Variants in RSRC2 observed in about 807,000 individuals in gnomAD.
RSRC2 encodes the protein arginine/serine-rich coiled-coil protein 2.
RSRC2 carries 5 observed loss-of-function variants against 61.3 expected under a neutral mutation model. The observed-to-expected ratio is 0.08, with a 90% CI of 0.04 to 0.17. RSRC2 has a LOEUF of 0.17. RSRC2 is among the 10% of genes least tolerant of loss of function. The pLI is 1.00. For synonymous variants in RSRC2, 202 were observed against 166.5 expected (o/e 1.21, Z -1.64); for missense variants, 381 against 518.8 (o/e 0.73, Z 2.58).
intron 8 of RSRC2, chr12:122,507,184 CCTGGATGACT>C: frequency 2.3e-6 from 1 of 439,094 alleles, no homozygotes; most frequent in South Asian, 2.2e-5. Context: ...TCGAGACTAG[CCTGGATGACT>C]AGGTGAAACC....
At chr12:122,508,065 A>C in intron 8 of RSRC2, 153 bp downstream of exon 8, 1 of 713,720 alleles carries the variant, frequency 1.4e-6, no homozygotes, top group South Asian at 1.5e-5. Flanking sequence ...GGCATCCCAA[A>C]GTGCTGGGAT....
rs542821891 is a variant in RSRC2 at position 122,509,714 on chromosome 12, T to C, written c.806-1267A>G. Among the ~76,000 whole-genome samples the C allele has an allele frequency of 4.6e-5, 7 of 152,338 alleles. No homozygotes were observed. In the East Asian group the frequency reaches 1.3e-3, roughly 29 times the overall value. On this transcript the variant is annotated intron_variant, in intron 7 of 9. Transcript: ENST00000331738. ...AATAAAATGGCTATTTGTAAACTTT[T>C]AGAGTTTCAAATAAGTGCCACTGTT...
At chr12:122,514,657 T>C in intron 6 of RSRC2, 1 of 1,108,982 alleles carries the variant, frequency 9.0e-7, no homozygotes, top group Non-Finnish European at 1.1e-6. Context: ...GCTTATAATG[T>C]ATTATCTGTT....
intron 5 of RSRC2, among the ~76,000 whole-genome samples, chr12:122,516,160 T>G (rs185009537): frequency 1.3e-5 from 2 of 152,152 alleles, no homozygotes; most frequent in African/African-American, 4.8e-5. Flanking sequence ...CTGTATTAAG[T>G]ACAGGTCCCT....
At position 122,505,463 on chromosome 12, in the gene RSRC2, G is replaced by T; in HGVS notation, c.*64C>A. 6.8e-7 allele frequency: 1 copy of T among 1,480,490 alleles called. No individual in the cohort carries two copies. The highest frequency in any genetic ancestry group is 9.3e-7 in the Non-Finnish European group (1 of 1,077,850). 91.7% of individuals were successfully genotyped at this position (1,480,490 alleles called of 1,614,324 possible). A position where few individuals can be genotyped will look rare whatever the true frequency, so the allele number is the denominator to read the frequency against. On this transcript the variant is annotated 3_prime_UTR_variant, in exon 10 of 10. Coordinates refer to ENST00000331738, the MANE Select transcript of RSRC2 (RefSeq NM_023012.6). Reference sequence around the variant, plus strand: ...CAAGCTAGAGTGCTAGCTGTTTGGTGAACAAGGACGTGACATCAGAACAAG... The same window carrying T: ...CAAGCTAGAGTGCTAGCTGTTTGGTTAACAAGGACGTGACATCAGAACAAG...
intron 1 of RSRC2, among the ~76,000 whole-genome samples, chr12:122,526,609 G>A (rs541184516): frequency 1.3e-5 from 2 of 152,096 alleles, no homozygotes; most frequent in East Asian, 3.9e-4. Flanking sequence ...GTAGGGTTGG[G>A]GAAGAGAGGA....
chr12:122,510,235 G>GT (rs1157436271), intron 7 of RSRC2, among the ~76,000 whole-genome samples: 1 of 151,894 alleles, frequency 6.6e-6, no homozygotes, highest in Admixed American at 6.6e-5. Context: ...TTCCAAAATC[G>GT]TAAAAGACAT....
At chr12:122,520,437 C>T in intron 3 of RSRC2, 2 of 920,004 alleles carry the variant, frequency 2.2e-6, no homozygotes, top group South Asian at 1.3e-5. Flanking sequence ...TTAAAAAAAA[C>T]ATTAAAACCC....
chr12:122,511,224 A>C (rs1472346313), intron 6 of RSRC2, 36 bp from the exon 7 acceptor site: 3 of 1,463,710 alleles, frequency 2.0e-6, no homozygotes, highest in Non-Finnish European at 2.8e-6. Context: ...AAAATAACAC[A>C]ATATAAAACC....
chr12:122,505,721 T>C lies in RSRC2; in HGVS notation c.1126-15A>G, dbSNP rs1566321045. 1.2e-6 allele frequency: 2 copies of C among 1,601,176 alleles called. No individual in the cohort carries two copies. Among genetic ancestry groups the C allele is most frequent in the Non-Finnish European group, 1.7e-6 (2 of 1,170,010 alleles). On this transcript the variant is annotated splice_polypyrimidine_tract_variant and intron_variant, in intron 9 of 9. Transcript: ENST00000331738. ...TCATCTTCACTCTAAAAATCAGACATAAAACATTACAATGAATTCAGATGG... is the reference window on the plus strand; with the variant it reads ...TCATCTTCACTCTAAAAATCAGACACAAAACATTACAATGAATTCAGATGG...
At position 122,505,801 on chromosome 12, in the gene RSRC2, T is replaced by TG. The variant is rs1374822922; in HGVS notation, c.1126-96dup. ...TTTTATGTATTTTTTTTTTTTGAGA[T>TG]GGAGTCTTGCTCTGTTGTCCCGTCT... is the stretch of plus-strand genomic sequence containing the variant. On this transcript the variant is annotated intron_variant, in intron 9 of 9. Transcript: ENST00000331738. The TG allele has an allele frequency of 5.6e-6, 6 of 1,067,938 alleles. No homozygotes were observed. In the Admixed American group the frequency reaches 7.3e-5, roughly 13 times the overall value. 66.2% of individuals were successfully genotyped at this position (1,067,938 alleles called of 1,614,324 possible).
rs1157944833 is a variant in RSRC2, at chr12:122,504,083, T to C, written c.*1444A>G. On this transcript the variant is annotated 3_prime_UTR_variant, in exon 10 of 10. Transcript: ENST00000331738. The stretch of plus-strand genomic sequence containing the variant: ...AAAAAGAAAACACCCCATTACTTCA[T>C]TTTCATGTATAAAAAAAATACCTAA... The C allele has an allele frequency of 6.6e-6, 1 of 151,968 alleles. No homozygotes were observed. The highest frequency in any genetic ancestry group is 2.4e-5 in the African/African-American group (1 of 41,330). The allele number at this position is 151,968 out of a possible 1,614,324, so 9.4% of individuals were successfully genotyped here.
intron 9 of RSRC2, among the ~76,000 whole-genome samples, chr12:122,506,124 G>A (rs61956119): frequency 0.47 from 71,465 of 151,804 alleles, 18,228 homozygotes; most frequent in Non-Finnish European, 0.55. Context: ...TGTGGCTCAC[G>A]CCTGTAATCC....
chr12:122,507,738 G>C (rs1432443723), intron 8 of RSRC2: 1 of 137,564 alleles, frequency 7.3e-6, no homozygotes, highest in African/African-American at 2.8e-5. Flanking sequence ...TTTTTTTCCA[G>C]ATGGAGTTTC....
chr12:122,515,737 C>A (rs1375269433), intron 5 of RSRC2, among the ~76,000 whole-genome samples: 2 of 152,128 alleles, frequency 1.3e-5, no homozygotes, highest in Non-Finnish European at 2.9e-5. Context: ...TGCCTGTAAT[C>A]CCAGAACTTT....
intron 2 of RSRC2, 112 bp from the exon 3 acceptor site, chr12:122,521,540 C>G (rs1959212514): frequency 1.2e-6 from 1 of 845,534 alleles, no homozygotes; most frequent in African/African-American, 1.7e-5. Flanking sequence ...CTTCCAATGA[C>G]TAATTTTTTC....
chr12:122,520,621 A>G (rs1408313154), intron 3 of RSRC2: 4 of 1,288,296 alleles, frequency 3.1e-6, no homozygotes, highest in African/African-American at 1.5e-5. Flanking sequence ...CATGTGAGCT[A>G]AACAAAATAG....
Position 122,505,187 on chromosome 12 carries a change from C to A in RSRC2, c.*340G>T. ...GTTTCAAGAGATGAAAATAACTGTACAAGGTTAAGTACAAAAGTACACAAG... is the reference window on the plus strand; with the variant it reads ...GTTTCAAGAGATGAAAATAACTGTAAAAGGTTAAGTACAAAAGTACACAAG... On this transcript the variant is annotated 3_prime_UTR_variant, in exon 10 of 10. Transcript: ENST00000331738. 5.2e-6 allele frequency: 1 copy of A among 190,860 alleles called. No individual in the cohort carries two copies. The highest frequency in any genetic ancestry group is 1.1e-5 in the Non-Finnish European group (1 of 93,750). 11.8% of individuals were successfully genotyped at this position (190,860 alleles called of 1,614,324 possible).
chr12:122,517,127 A>G, intron 5 of RSRC2, 100 bp downstream of exon 5: 1 of 1,532,222 alleles, frequency 6.5e-7, no homozygotes. Flanking sequence ...TAATCTATAA[A>G]TAGAATTGTG....
Sources: gnomAD v4.1 joint callset for allele counts (sites outside exome capture counted in the v4.1 genomes callset) on GRCh38, gnomAD v4.1.1 for gene constraint, MANE v1.5 for transcripts, NCBI Gene and HGNC (gene_info 2026-07-23, HGNC 2026-07-21) for gene names.